Variants in SPAG5 observed in about 807,000 individuals in gnomAD.
The protein encoded by SPAG5 is sperm-associated antigen 5.
Under a neutral mutation model 145.4 loss-of-function variants are expected in SPAG5, and 99 were observed. The observed-to-expected ratio is 0.68, with a 90% confidence interval of 0.58 to 0.80. The LOEUF is 0.80. Ranked by LOEUF, SPAG5 falls within the 30% of genes least tolerant of loss-of-function variation. The pLI is 0.00. For missense variants in SPAG5, 1,192 were observed against 1,416.0 expected (o/e 0.84, Z 2.54); for synonymous variants, 477 against 525.4 (o/e 0.91, Z 1.26).
rs754189129 is a variant in SPAG5, at chr17:28,592,708, C to G, written c.536G>C (p.Gly179Ala). ...AGCAGCAACTTCTGAAAACCTGTCT[C>G]CCATGCAGGGTGCCACCTCCTCTCT... is the stretch of plus-strand genomic sequence containing the variant. ...LVREEVAPCM[G>A]DRFSEVAAVS... The change falls in exon 3 of 24, where the codon GGA becomes GCA. Residue 179 changes from glycine to alanine, a missense_variant. Around this residue, in one of 5 missense-constraint regions of SPAG5, gnomAD observed 329 missense variants for 354.0 expected, o/e 0.93. Coordinates refer to ENST00000321765, the MANE Select transcript of SPAG5 (RefSeq NM_006461.4). 3.1e-5 allele frequency: 50 copies of G among 1,614,080 alleles called. No homozygotes were observed. Among genetic ancestry groups the G allele is most frequent in the Non-Finnish European group, 5.1e-6 (6 of 1,180,052 alleles).
chr17:28,598,119 G>GT (rs1363478649), intron 2 of SPAG5, among the ~76,000 whole-genome samples: 1 of 152,200 alleles, frequency 6.6e-6, no homozygotes. Context: ...CCTTCCAGTG[G>GT]TGTAACTTGA....
rs1206886484 is a variant in SPAG5, at chr17:28,586,499, T to A, written c.1438A>T (p.Ile480Leu). Reference sequence around the variant, plus strand: ...TTAAGATGCTGAAGTTTATTAGTTATCTAGCCAGAAAAACAGAGTTGTTCC... The same window carrying A: ...TTAAGATGCTGAAGTTTATTAGTTAACTAGCCAGAAAAACAGAGTTGTTCC... ...STQTDTSHSG[I>L]TNKLQHLKES... The change falls in exon 5 of 24, where the codon ATA (isoleucine) becomes TTA (leucine). Residue 480 changes from isoleucine (I) to leucine (L), a missense_variant and splice_region_variant. By Grantham distance (5) the Ile-to-Leu change is conservative. This residue lies in a region of SPAG5 where 709 missense variants were observed against 840.7 expected (regional missense o/e 0.84). Transcript: ENST00000321765. 1.2e-6 allele frequency: 2 copies of A among 1,612,158 alleles called. No homozygotes were observed. Among genetic ancestry groups the A allele is most frequent in the East Asian group, 4.5e-5 (2 of 44,894 alleles).
Position 28,586,018 on chromosome 17 carries a change from T to A in SPAG5, c.1606-20A>T, listed in dbSNP as rs770283686. 1 of 1,614,214 alleles carries A rather than the reference T, an allele frequency of 6.2e-7. No individual in the cohort carries two copies. The highest frequency in any genetic ancestry group is 8.5e-7 in the Non-Finnish European group (1 of 1,180,022). ...CCGAGACTATATGGTAAGAATCAGT[T>A]AATGTGTCTGGTTCCTCTTTATGGC... On this transcript the variant is annotated intron_variant, in intron 6 of 23. Transcript: ENST00000321765.
At chr17:28,597,742 G>A (rs1234783862) in intron 2 of SPAG5, among the ~76,000 whole-genome samples, 2 of 152,088 alleles carry the variant, frequency 1.3e-5, no homozygotes, top group Non-Finnish European at 2.9e-5. Flanking sequence ...CAAAGTCATG[G>A]TCAAAAAAGA....
intron 19 of SPAG5, 131 bp downstream of exon 19, chr17:28,579,010 C>A (rs1454423489): frequency 1.3e-6 from 1 of 786,768 alleles, no homozygotes; most frequent in African/African-American, 1.7e-5. Context: ...TGTCTGACCC[C>A]AGGAAGGGCA....
Position 28,579,737 on chromosome 17 carries a change from G to A in SPAG5, c.2884+14C>T. 2 of 1,611,408 alleles carry A rather than the reference G, an allele frequency of 1.2e-6. No individual in the cohort carries two copies. Among genetic ancestry groups the A allele is most frequent in the Non-Finnish European group, 1.7e-6 (2 of 1,177,556 alleles). ...TTCTAGAAATGAGGCAGGATCCCTG[G>A]AGCCCCTCCTAACCTGCGGGCTGAA... On this transcript the variant is annotated intron_variant, in intron 17 of 23. Transcript: ENST00000321765.
chr17:28,584,268 T>C lies in SPAG5; in HGVS notation c.2310-16A>G. ...CTTTTGCCATCTGCCAGAGACAACA[T>C]ATTAGATCCCATTTGGTCCTAAATC... On this transcript the variant is annotated splice_polypyrimidine_tract_variant and intron_variant, in intron 12 of 23. Coordinates refer to ENST00000321765, the MANE Select transcript of SPAG5 (RefSeq NM_006461.4). 39 of 1,613,954 alleles carry C rather than the reference T, an allele frequency of 2.4e-5. 1 individual carries two copies. The highest frequency in any genetic ancestry group is 3.3e-5 in the Non-Finnish European group (39 of 1,180,024).
At chr17:28,591,959 T>C (rs1681592848) in intron 3 of SPAG5, 23 bp downstream of exon 3, 1 of 1,611,480 alleles carries the variant, frequency 6.2e-7, no homozygotes, top group African/African-American at 1.3e-5. Context: ...ACTCACGAGG[T>C]GCAAGGACAT....
At chr17:28,598,822 GGACAGTAGACACGGCCGGTGCCCCCGC>G (rs1405425590) in intron 1 of SPAG5, 47 bp downstream of exon 1, 18 of 1,575,996 alleles carry the variant, frequency 1.1e-5, no homozygotes, top group Admixed American at 3.3e-5. Flanking sequence ...CAACTTTCCA[GGACAGTAGACACGGCCGGTGCCCCCGC>G]GACAGCAGCC....
chr17:28,584,554 A>G (rs866997518), intron 11 of SPAG5, 74 bp from the exon 12 acceptor site: 1 of 1,608,448 alleles, frequency 6.2e-7, no homozygotes, highest in Middle Eastern at 1.7e-4. Context: ...CTCCAAAGCA[A>G]GTGCTCCTGA....
Position 28,591,876 on chromosome 17 carries a change from C to T in SPAG5, c.1263-4G>A. ...GGCAGTCAGATCTGGAGGCCGGCTG[C>T]AGCAGAAAGAGAAGAACATGACGAA... On this transcript the variant is annotated splice_polypyrimidine_tract_variant and splice_region_variant and intron_variant, in intron 3 of 23. Transcript: ENST00000321765. 6.2e-7 allele frequency: 1 copy of T among 1,612,938 alleles called. No homozygotes were observed. The highest frequency in any genetic ancestry group is 8.5e-7 in the Non-Finnish European group (1 of 1,179,278).
intron 4 of SPAG5, 123 bp downstream of exon 4, chr17:28,591,575 C>T: frequency 3.1e-6 from 3 of 955,264 alleles, no homozygotes; most frequent in Non-Finnish European, 1.5e-6. Flanking sequence ...AGATTCTCAG[C>T]TTTTGCAAAT....
chr17:28,587,558 T>G (rs1034972440), intron 4 of SPAG5, among the ~76,000 whole-genome samples: 1 of 148,210 alleles, frequency 6.7e-6, no homozygotes, highest in Non-Finnish European at 1.5e-5. Context: ...AAAAAAAAAA[T>G]TTTTTTTCAT....
chr17:28,596,715 A>G (rs770232428), intron 2 of SPAG5, among the ~76,000 whole-genome samples: 3 of 152,210 alleles, frequency 2.0e-5, no homozygotes, highest in Non-Finnish European at 4.4e-5. Flanking sequence ...TATAAGCTCT[A>G]TAGAGCTAAT....
rs1475637078 is a variant in SPAG5 at position 28,579,334 on chromosome 17, C to A, written c.3005+31G>T. Reference sequence around the variant, plus strand: ...TTGGCATAAGAGGATGTCTCACTGTCCCTCTGTCACCAAAACTGCATCCCA... The same window carrying A: ...TTGGCATAAGAGGATGTCTCACTGTACCTCTGTCACCAAAACTGCATCCCA... On this transcript the variant is annotated intron_variant, in intron 18 of 23. Transcript: ENST00000321765. 3.7e-6 allele frequency: 6 copies of A among 1,613,668 alleles called. No individual in the cohort carries two copies. In the African/African-American group the frequency reaches 4.0e-5, roughly 11 times the overall value.
intron 19 of SPAG5, 44 bp downstream of exon 19, chr17:28,579,097 C>T: frequency 6.6e-7 from 1 of 1,506,210 alleles, no homozygotes; most frequent in Non-Finnish European, 9.2e-7. Context: ...GCCAGTAGAG[C>T]TGCCCCAGTT....
intron 2 of SPAG5, 70 bp downstream of exon 2, chr17:28,598,440 G>A (rs745968534): frequency 9.8e-6 from 15 of 1,529,768 alleles, no homozygotes; most frequent in African/African-American, 2.8e-5. Context: ...TGTAGCCCTG[G>A]CCCTCTGTTC....
chr17:28,586,411 CA>C lies in SPAG5; in HGVS notation c.1512+13del. 2 of 1,600,800 alleles carry C rather than the reference CA, an allele frequency of 1.2e-6. No individual in the cohort carries two copies. Among genetic ancestry groups the C allele is most frequent in the Non-Finnish European group, 1.7e-6 (2 of 1,167,864 alleles). On this transcript the variant is annotated intron_variant, in intron 5 of 23. Transcript: ENST00000321765. ...AGGAGACCCAGTGGTGGTGTAAGGTCAATCATCACTTACCATGACATTTCTG... is the reference window on the plus strand; with the variant it reads ...AGGAGACCCAGTGGTGGTGTAAGGTCATCATCACTTACCATGACATTTCTG...
At chr17:28,588,622 T>C (rs1374952690) in intron 4 of SPAG5, among the ~76,000 whole-genome samples, 2 of 152,210 alleles carry the variant, frequency 1.3e-5, no homozygotes, top group Non-Finnish European at 2.9e-5. Flanking sequence ...TGCTATCAAT[T>C]CCTTCACCTG....
Sources: gnomAD v4.1 joint callset for allele counts (sites outside exome capture counted in the v4.1 genomes callset) on GRCh38, gnomAD v4.1.1 for gene constraint, gnomAD v4.1.1 regional missense constraint, MANE v1.5 for transcripts, NCBI Gene and HGNC (gene_info 2026-07-23, HGNC 2026-07-21) for gene names.